The following NTRK3 variants were observed in gnomAD, a reference collection of about 807,000 sequenced individuals.
NTRK3 encodes the protein neurotrophic receptor tyrosine kinase 3, also known as NT-3 growth factor receptor.
Under a neutral mutation model 91.7 loss-of-function variants are expected in NTRK3, and 24 were observed. That is an observed-to-expected ratio of 0.26 (90% CI 0.19 to 0.37). The LOEUF is 0.37. NTRK3 is among the 10% of genes least tolerant of loss of function. NTRK3 has a pLI of 1.00. For synonymous variants in NTRK3, 483 were observed against 404.0 expected (o/e 1.20, Z -2.34); for missense variants, 880 against 1,068.9 (o/e 0.82, Z 2.46).
At chr15:88,242,968 G>A (rs1326721320) in intron 3 of NTRK3, among the ~76,000 whole-genome samples, 1 of 152,224 alleles carries the variant, frequency 6.6e-6, no homozygotes, top group Non-Finnish European at 1.5e-5. Flanking sequence ...ACCTGCCCTA[G>A]GGATGGGAGC....
At position 88,011,939 on chromosome 15, in the gene NTRK3, G is replaced by A. The variant is rs562207222; in HGVS notation, c.1585+20918C>T. ...CAGGCAGCTATTCCAAATCCCTTAC[G>A]TACATTACCTCATTTAACACACACG... is the stretch of plus-strand genomic sequence containing the variant. On this transcript the variant is annotated intron_variant, in intron 14 of 18. Coordinates refer to ENST00000394480, the Ensembl canonical transcript of NTRK3. Among the ~76,000 whole-genome samples the A allele has an allele frequency of 1.3e-4, 20 of 152,184 alleles. No homozygotes were observed. The South Asian group carries it at 3.9e-3, about 30-fold the overall frequency.
intron 14 of NTRK3, among the ~76,000 whole-genome samples, chr15:87,991,379 T>C (rs2075276408): frequency 6.6e-6 from 1 of 152,206 alleles, no homozygotes; most frequent in African/African-American, 2.4e-5. Context: ...ATGATTTCTA[T>C]GCAGAGTAAA....
intron 3 of NTRK3, among the ~76,000 whole-genome samples, chr15:88,204,669 A>G (rs2048589373): frequency 6.6e-6 from 1 of 152,164 alleles, no homozygotes; most frequent in African/African-American, 2.4e-5. Flanking sequence ...TTCTGGATGA[A>G]CTAATCAGTT....
intron 14 of NTRK3, among the ~76,000 whole-genome samples, chr15:87,957,589 C>T (rs957193669): frequency 6.6e-6 from 1 of 152,150 alleles, no homozygotes; most frequent in African/African-American, 2.4e-5. Flanking sequence ...AAAAGGAGCT[C>T]TTGGAAAATA....
At chr15:88,070,473 A>G (rs189058242) in intron 13 of NTRK3, among the ~76,000 whole-genome samples, 2 of 152,310 alleles carry the variant, frequency 1.3e-5, no homozygotes, top group Admixed American at 1.3e-4. Flanking sequence ...AAAGGAGCAG[A>G]GAAACATGAC....
intron 17 of NTRK3, among the ~76,000 whole-genome samples, chr15:87,919,845 G>T (rs1320229777): frequency 6.6e-6 from 1 of 152,150 alleles, no homozygotes; most frequent in East Asian, 1.9e-4. Flanking sequence ...AAAAAACGGG[G>T]CTGAGATGTG....
At chr15:88,092,119 C>A (rs1298737032) in intron 13 of NTRK3, among the ~76,000 whole-genome samples, 2 of 152,342 alleles carry the variant, frequency 1.3e-5, no homozygotes, top group East Asian at 3.9e-4. Flanking sequence ...GGTTCTTGAG[C>A]AGCTTGTTTC....
At chr15:87,889,832 T>C (rs948883211) in intron 17 of NTRK3, among the ~76,000 whole-genome samples, 2 of 152,098 alleles carry the variant, frequency 1.3e-5, no homozygotes, top group Non-Finnish European at 2.9e-5. Context: ...AGTTCCCAAA[T>C]GTTTTCAAGT....
chr15:87,889,737 T>G (rs1477566049), intron 17 of NTRK3, among the ~76,000 whole-genome samples: 1 of 152,146 alleles, frequency 6.6e-6, no homozygotes, highest in Non-Finnish European at 1.5e-5. Flanking sequence ...ACTCAAAGGG[T>G]AGGAGAACCA....
chr15:88,069,930 G>C (rs569738401), intron 13 of NTRK3, among the ~76,000 whole-genome samples: 10 of 152,190 alleles, frequency 6.6e-5, no homozygotes, highest in African/African-American at 2.4e-4. Flanking sequence ...GGTCGCTGTT[G>C]AGAGTCTAGG....
At chr15:87,968,886 T>G (rs925540516) in intron 14 of NTRK3, among the ~76,000 whole-genome samples, 4 of 152,194 alleles carry the variant, frequency 2.6e-5, no homozygotes, top group Non-Finnish European at 5.9e-5. Context: ...CATGAAGCAT[T>G]CATTTTATCA....
intron 10 of NTRK3, among the ~76,000 whole-genome samples, chr15:88,134,888 G>A (rs1246344154): frequency 6.6e-6 from 1 of 152,194 alleles, no homozygotes; most frequent in African/African-American, 2.4e-5. Context: ...TTTCTAAGAA[G>A]TCTTGGTTAC....
At position 88,240,545 on chromosome 15, in the gene NTRK3, G is replaced by A. The variant is rs2052247599; in HGVS notation, c.248+15361C>T. ...CCCAAGGGTGCCTGCTTACTGTGGA[G>A]GAGGCTGGGGCTGGCAGGAAATGGA... On this transcript the variant is annotated intron_variant, in intron 3 of 18. Coordinates refer to ENST00000394480, the Ensembl canonical transcript of NTRK3. This position sits in a 1 kb window ranked among gnomAD's most constrained non-coding sequence, Gnocchi z 4.9. Among the ~76,000 whole-genome samples, 1 of 152,188 alleles carries A rather than the reference G, an allele frequency of 6.6e-6. No individual in the cohort carries two copies. Among genetic ancestry groups the A allele is most frequent in the African/African-American group, 2.4e-5 (1 of 41,438 alleles).
chr15:88,250,096 T>G (rs2053202909), intron 3 of NTRK3, among the ~76,000 whole-genome samples: 4 of 152,186 alleles, frequency 2.6e-5, no homozygotes, highest in African/African-American at 7.2e-5. Flanking sequence ...GGGCCGTAAG[T>G]ATTCCCGCTT....
At position 88,142,195 on chromosome 15, in the gene NTRK3, A is replaced by T. The variant is rs573161177; in HGVS notation, c.465-4634T>A. ...CTGTCCATCCTGTGTCCCTCCTCCC[A>T]TTGAACCAGATCTCAAGCAGGGGAG... On this transcript the variant is annotated intron_variant, in intron 6 of 18. Coordinates refer to ENST00000394480, the Ensembl canonical transcript of NTRK3. Among the ~76,000 whole-genome samples the T allele has an allele frequency of 7.2e-5, 11 of 152,268 alleles. No homozygotes were observed. In the East Asian group the frequency reaches 1.4e-3, roughly 19 times the overall value.
intron 13 of NTRK3, among the ~76,000 whole-genome samples, chr15:88,115,436 C>T (rs1405347230): frequency 5.9e-5 from 9 of 152,228 alleles, no homozygotes; most frequent in Admixed American, 5.9e-4. Context: ...ACCCACTGAA[C>T]TCCATTTATT....
intron 3 of NTRK3, among the ~76,000 whole-genome samples, chr15:88,191,931 GC>G (rs988167691): frequency 1.9e-4 from 29 of 152,344 alleles, no homozygotes; most frequent in African/African-American, 6.7e-4. Context: ...GCCCCAGGCA[GC>G]CAGGGGTTGG....
chr15:87,975,595 C>T (rs982351053), intron 14 of NTRK3, among the ~76,000 whole-genome samples: 8 of 152,158 alleles, frequency 5.3e-5, no homozygotes, highest in South Asian at 2.1e-4. Context: ...TTCAGCTCTC[C>T]GCATCTGCCC....
At chr15:88,106,229 T>C (rs1597347435) in intron 13 of NTRK3, among the ~76,000 whole-genome samples, 1 of 152,174 alleles carries the variant, frequency 6.6e-6, no homozygotes, top group Non-Finnish European at 1.5e-5. Context: ...CAGGACAAGG[T>C]TGGCTTGGCT....
Sources: allele counts gnomAD v4.1 joint callset (sites outside exome capture counted in the v4.1 genomes callset), GRCh38; gene constraint gnomAD v4.1.1; non-coding constraint Gnocchi (gnomAD v3.1); transcripts MANE v1.5; gene names NCBI Gene and HGNC (gene_info 2026-07-23, HGNC 2026-07-21).